The following PEX5 variants were observed in gnomAD, a reference collection of about 807,000 sequenced individuals.
The protein encoded by PEX5 is peroxisomal biogenesis factor 5.
In PEX5, 52 loss-of-function variants were observed where a neutral mutation model predicts 82.9. That is an observed-to-expected ratio of 0.63 (90% confidence interval 0.50 to 0.79). PEX5 has a LOEUF of 0.79. PEX5 is among the 30% of genes least tolerant of loss of function. The pLI, the probability that PEX5 is intolerant of heterozygous loss-of-function variation, is 0.00. For synonymous variants in PEX5, 300 were observed against 318.8 expected, an observed-to-expected ratio of 0.94 and a Z score of 0.63; for missense variants, 719 against 815.2, an observed-to-expected ratio of 0.88 and a Z score of 1.44.
intron 1 of PEX5, 131 bp downstream of exon 1, chr12:7,189,881 G>A (rs1940628907): frequency 4.3e-6 from 6 of 1,382,448 alleles, no homozygotes; most frequent in Non-Finnish European, 5.6e-6. Context: ...TGGGGAGCGC[G>A]GGAGGGACCG....
At chr12:7,191,523 TG>T (rs756782605) in intron 4 of PEX5, 45 bp from the exon 5 acceptor site, 190 of 1,610,672 alleles carry the variant, frequency 1.2e-4, no homozygotes, top group Non-Finnish European at 1.5e-4. Flanking sequence ...CATGATGGAA[TG>T]GTATGTATGT....
At chr12:7,193,952 T>G (rs77744698) in intron 5 of PEX5, among the ~76,000 whole-genome samples, 1 of 152,252 alleles carries the variant, frequency 6.6e-6, no homozygotes, top group Non-Finnish European at 1.5e-5. Context: ...CTGTTTGAAG[T>G]CTGCCTTCAT....
intron 10 of PEX5, among the ~76,000 whole-genome samples, chr12:7,205,650 G>C (rs1295237788): frequency 1.3e-5 from 2 of 152,152 alleles, no homozygotes; most frequent in African/African-American, 4.8e-5. Context: ...CTTATCCTGT[G>C]TTCTGTGGGT....
intron 5 of PEX5, among the ~76,000 whole-genome samples, chr12:7,193,234 CTTTTTTTTT>C (rs11339507): frequency 8.3e-6 from 1 of 121,120 alleles, no homozygotes; most frequent in Non-Finnish European, 1.8e-5. Flanking sequence ...TCTTGAGATT[CTTTTTTTTT>C]TTTTTTTTTT....
At chr12:7,217,154 G>T (rs1049067180) in intron 17 of PEX5, among the ~76,000 whole-genome samples, 1 of 152,184 alleles carries the variant, frequency 6.6e-6, no homozygotes, top group Admixed American at 6.5e-5. Context: ...GCAAATTAAG[G>T]TGGTGACAAT....
intron 10 of PEX5, among the ~76,000 whole-genome samples, chr12:7,205,488 T>G (rs1235697588): frequency 6.6e-6 from 1 of 152,230 alleles, no homozygotes; most frequent in African/African-American, 2.4e-5. Flanking sequence ...AATATACTAT[T>G]ATGATAAAAG....
chr12:7,201,193 A>ATG (rs1491216712), intron 6 of PEX5, among the ~76,000 whole-genome samples: 62 of 148,478 alleles, frequency 4.2e-4, no homozygotes, highest in Admixed American at 1.5e-3. Context: ...ACACGCATAC[A>ATG]TACACATACA....
chr12:7,209,350 C>T (rs952871129), intron 14 of PEX5, among the ~76,000 whole-genome samples, 180 bp downstream of exon 14: 7 of 152,050 alleles, frequency 4.6e-5, no homozygotes, highest in African/African-American at 7.2e-5. Flanking sequence ...CAAGACCCTG[C>T]CCACCCCCAC....
chr12:7,189,782 C>T (rs1940589947), intron 1 of PEX5, 32 bp downstream of exon 1: 4 of 155,288 alleles, frequency 2.6e-5, no homozygotes, highest in East Asian at 1.0e-4. Flanking sequence ...GGCCCGGGGC[C>T]GCGTCCCTGG....
intron 10 of PEX5, among the ~76,000 whole-genome samples, chr12:7,204,522 G>A (rs999668886): frequency 4.6e-5 from 7 of 152,202 alleles, no homozygotes; most frequent in Admixed American, 3.3e-4. Flanking sequence ...TAACTATCCT[G>A]TGTGATATAA....
intron 8 of PEX5, 21 bp from the exon 9 acceptor site, chr12:7,202,591 G>A: frequency 6.2e-7 from 1 of 1,607,010 alleles, no homozygotes; most frequent in Non-Finnish European, 8.5e-7. Flanking sequence ...TAGTGGTACT[G>A]ACCATCCTTT....
chr12:7,199,851 CCCGGACGGGGCGG>C (rs1182037045), intron 6 of PEX5, among the ~76,000 whole-genome samples: 2 of 122,776 alleles, frequency 1.6e-5, no homozygotes, highest in African/African-American at 3.0e-5. Flanking sequence ...CCACCTCCCT[CCCGGACGGGGCGG>C]CTGGCCGGGC....
Position 7,190,934 on chromosome 12 carries a change from C to A in PEX5, c.183+11C>A. 1 of 1,609,304 alleles carries A rather than the reference C, an allele frequency of 6.2e-7. No individual in the cohort carries two copies. The highest frequency in any genetic ancestry group is 8.5e-7 in the Non-Finnish European group (1 of 1,175,616). On this transcript the variant is annotated intron_variant, in intron 3 of 15. Transcript: ENST00000675855. ...GCTTCTGAAGATGAGGTAAATAGAC[C>A]AGTCTCTTTTCTGTCCCATTTTTCT...
chr12:7,200,600 A>G (rs1314590954), intron 6 of PEX5, among the ~76,000 whole-genome samples: 1 of 152,178 alleles, frequency 6.6e-6, no homozygotes, highest in Non-Finnish European at 1.5e-5. Flanking sequence ...CCTGGGCACC[A>G]TTGAGCACTG....
intron 11 of PEX5, 79 bp from the exon 12 acceptor site, chr12:7,207,931 T>G (rs1945018594): frequency 1.3e-6 from 2 of 1,512,000 alleles, no homozygotes; most frequent in Non-Finnish European, 1.8e-6. Context: ...GAGAGCGAGA[T>G]GGTGAGTGGG....
intron 6 of PEX5, among the ~76,000 whole-genome samples, chr12:7,200,755 C>T (rs7973600): frequency 1.3e-5 from 2 of 151,626 alleles, no homozygotes; most frequent in African/African-American, 2.4e-5. Context: ...TCAGGCATGG[C>T]GGCGCGTGCC....
rs1257914258 is a variant in PEX5 at position 7,191,206 on chromosome 12, C to A, written c.184-20C>A. The A allele has an allele frequency of 4.3e-6, 7 of 1,614,022 alleles. No homozygotes were observed. Among genetic ancestry groups the A allele is most frequent in the Non-Finnish European group, 1.7e-6 (2 of 1,180,004 alleles). On this transcript the variant is annotated intron_variant, in intron 3 of 15. Coordinates refer to ENST00000675855, the MANE Select transcript of PEX5 (RefSeq NM_001351132.2). Reference sequence around the variant, plus strand: ...GCCTCCCAAGCCTATGGGTTCATTTCATCATTTCCCTTCTGGCAGTTGGTG... The same window carrying A: ...GCCTCCCAAGCCTATGGGTTCATTTAATCATTTCCCTTCTGGCAGTTGGTG...
Position 7,208,030 on chromosome 12 carries a change from C to T in PEX5, c.1131C>T (p.Thr377=). 1.2e-6 allele frequency: 2 copies of T among 1,613,496 alleles called. No individual in the cohort carries two copies. The highest frequency in any genetic ancestry group is 1.7e-6 in the Non-Finnish European group (2 of 1,179,472). Residue 377 remains threonine (T), a synonymous_variant, in exon 12 of 16, where the codon ACC becomes ACT. Transcript: ENST00000675855. ...TCTAGGCTTGGCAGTATCTGGGTACCACCCAGGCAGAGAATGAACAAGAAC... is the reference window on the plus strand; with the variant it reads ...TCTAGGCTTGGCAGTATCTGGGTACTACCCAGGCAGAGAATGAACAAGAAC... ...KHMEAWQYLG[T]TQAENEQELL... is the part of the protein sequence containing the mutation.
At chr12:7,212,307 A>G (rs761852102), downstream of PEX5, among the ~76,000 whole-genome samples, 7 of 152,074 alleles carry the variant, frequency 4.6e-5, no homozygotes, top group East Asian at 1.4e-3. Flanking sequence ...AAGTTTTTCA[A>G]ATAGAGACTA....
Sources: gnomAD v4.1 joint callset for allele counts (sites outside exome capture counted in the v4.1 genomes callset) on GRCh38, gnomAD v4.1.1 for gene constraint, MANE v1.5 for transcripts, NCBI Gene and HGNC (gene_info 2026-07-23, HGNC 2026-07-21) for gene names.